Variants in CPNE4 observed in about 807,000 individuals in gnomAD.
The protein encoded by CPNE4 is copine 4, also known as copine-4.
Under a neutral mutation model 67.9 loss-of-function variants are expected in CPNE4, and 25 were observed. The ratio of observed to expected loss-of-function variants is 0.37; its 90% CI spans 0.27 to 0.51. The LOEUF (loss-of-function observed/expected upper bound fraction) is 0.51. CPNE4 is among the 20% of genes least tolerant of loss of function. The pLI is 0.93. For synonymous variants in CPNE4, 242 were observed against 244.9 expected (o/e 0.99, Z 0.11); for missense variants, 464 against 690.8 (o/e 0.67, Z 3.68).
At chr3:131,965,724 G>T (rs1463180493) in intron 1 of CPNE4, among the ~76,000 whole-genome samples, 1 of 152,138 alleles carries the variant, frequency 6.6e-6, no homozygotes, top group Non-Finnish European at 1.5e-5. Context: ...GATTCATAAA[G>T]CAAGTTCTTA....
In CPNE4 at chr3:131,703,655, C is replaced by T. The variant is rs149284036; in HGVS notation, c.361-3675G>A. Among the ~76,000 whole-genome samples the T allele has an allele frequency of 7.8e-4, 119 of 152,214 alleles. No individual in the cohort carries two copies. In the Middle Eastern group the frequency reaches 0.01, roughly 13 times the overall value. ...AGCTGAACTTTATTCCGAAGTCTTT[C>T]GAAACAGTCATTTTTGGAACTAGAG... On this transcript the variant is annotated intron_variant, in intron 3 of 15. Coordinates refer to ENST00000429747, the MANE Select transcript of CPNE4 (RefSeq NM_130808.3).
chr3:131,755,529 G>T (rs1456967550), intron 2 of CPNE4, among the ~76,000 whole-genome samples: 2 of 152,108 alleles, frequency 1.3e-5, no homozygotes, highest in Non-Finnish European at 2.9e-5. Flanking sequence ...ATTATAACCT[G>T]CAGGGATGAA....
chr3:131,610,869 G>A (rs934053220), intron 7 of CPNE4, among the ~76,000 whole-genome samples: 9 of 152,112 alleles, frequency 5.9e-5, no homozygotes, highest in Non-Finnish European at 1.3e-4. Context: ...CCAAGTGTAC[G>A]GGGAGTGGAT....
intron 2 of CPNE4, among the ~76,000 whole-genome samples, chr3:131,848,947 T>A (rs2086112854): frequency 1.2e-5 from 1 of 85,998 alleles, no homozygotes; most frequent in African/African-American, 6.3e-5. Context: ...GGAATGACAG[T>A]AGTGATTACA....
chr3:131,830,513 C>T (rs887722447), intron 2 of CPNE4, among the ~76,000 whole-genome samples: 2 of 152,042 alleles, frequency 1.3e-5, no homozygotes, highest in Non-Finnish European at 2.9e-5. Flanking sequence ...GAACTTCTCC[C>T]TTGGGACTGT....
At chr3:131,667,077 G>A (rs1210632576) in intron 7 of CPNE4, among the ~76,000 whole-genome samples, 4 of 152,120 alleles carry the variant, frequency 2.6e-5, no homozygotes, top group Non-Finnish European at 4.4e-5. Flanking sequence ...AGTATTTTCT[G>A]ATGAGATGAC....
chr3:131,626,244 A>G (rs1357332773), intron 7 of CPNE4, among the ~76,000 whole-genome samples: 2 of 152,242 alleles, frequency 1.3e-5, no homozygotes, highest in East Asian at 1.9e-4. Flanking sequence ...ATCAAAAGCT[A>G]TTAAGCTTGG....
chr3:131,875,263 T>C (rs1250586373), intron 2 of CPNE4, among the ~76,000 whole-genome samples: 1 of 152,072 alleles, frequency 6.6e-6, no homozygotes, highest in Non-Finnish European at 1.5e-5. Context: ...TGGAAGTCAG[T>C]GTGGCGATTC....
At chr3:131,561,517 T>G (rs1165378458) in intron 11 of CPNE4, among the ~76,000 whole-genome samples, 2 of 152,146 alleles carry the variant, frequency 1.3e-5, no homozygotes, top group South Asian at 4.1e-4. Flanking sequence ...GAAGCTTTCC[T>G]TCAAGGCCAT....
At chr3:131,622,018 C>CAAAAAAAAAAAA (rs34415771) in intron 7 of CPNE4, among the ~76,000 whole-genome samples, 10 of 57,992 alleles carry the variant, frequency 1.7e-4, no homozygotes, top group African/African-American at 4.3e-4. Context: ...GACCCTGTCT[C>CAAAAAAAAAAAA]AAAAAAAAAA....
At chr3:131,569,504 A>G (rs1937221065) in intron 10 of CPNE4, among the ~76,000 whole-genome samples, 1 of 151,696 alleles carries the variant, frequency 6.6e-6, no homozygotes, top group Admixed American at 6.6e-5. Context: ...CCAGTGTGGT[A>G]GCATATGGTT....
rs1375461599 is a variant in CPNE4 at position 132,031,798 on chromosome 3, T to C, written c.-2+2769A>G. On this transcript the variant is annotated intron_variant, in intron 1 of 15. Transcript: ENST00000429747. ...ACATATGAGAATAAAGATTCCACCA[T>C]TAACCCATTTTTTTTGGTCTGTGAT... 2.0e-5 allele frequency among the ~76,000 whole-genome samples: 3 copies of C among 152,194 alleles called. No homozygotes were observed. The East Asian group carries it at 5.8e-4, about 29-fold the overall frequency.
intron 2 of CPNE4, among the ~76,000 whole-genome samples, chr3:131,818,048 A>G (rs543765787): frequency 6.6e-6 from 1 of 152,176 alleles, no homozygotes; most frequent in African/African-American, 2.4e-5. Flanking sequence ...CCACAGCTCA[A>G]TTTTCAAAGG....
intron 2 of CPNE4, among the ~76,000 whole-genome samples, chr3:131,789,220 T>G (rs750185493): frequency 6.6e-6 from 1 of 152,178 alleles, no homozygotes; most frequent in Non-Finnish European, 1.5e-5. Context: ...CACATTGCTC[T>G]AGAGTATAGT....
At chr3:131,855,690 C>T (rs1414566140) in intron 2 of CPNE4, among the ~76,000 whole-genome samples, 2 of 151,534 alleles carry the variant, frequency 1.3e-5, no homozygotes, top group African/African-American at 2.4e-5. Flanking sequence ...TTCTCCTAAC[C>T]GTGCCTTGTG....
intron 7 of CPNE4, among the ~76,000 whole-genome samples, chr3:131,659,311 CTT>C (rs34832123): frequency 0.33 from 50,026 of 151,816 alleles, 8,590 homozygotes; most frequent in African/African-American, 0.4. Context: ...CATTAAGCAA[CTT>C]TATCCACGTC....
At chr3:131,738,854 C>T (rs1212040505) in intron 2 of CPNE4, among the ~76,000 whole-genome samples, 2 of 140,142 alleles carry the variant, frequency 1.4e-5, no homozygotes, top group African/African-American at 2.6e-5. Context: ...TTTTCTTTTT[C>T]TTTTTTTTTT....
chr3:131,600,466 G>C (rs897945662), intron 7 of CPNE4, among the ~76,000 whole-genome samples: 18 of 152,176 alleles, frequency 1.2e-4, no homozygotes, highest in Admixed American at 1.2e-3. Context: ...AGTCTGCTTT[G>C]CTTGATGGAG....
At chr3:131,952,805 G>T (rs547575442) in intron 1 of CPNE4, among the ~76,000 whole-genome samples, 20 of 152,318 alleles carry the variant, frequency 1.3e-4, no homozygotes, top group Non-Finnish European at 2.6e-4. Context: ...AGAAAGGGGG[G>T]AAAGGTGGGG....
Sources: gnomAD v4.1 joint callset for allele counts (sites outside exome capture counted in the v4.1 genomes callset) on GRCh38, gnomAD v4.1.1 for gene constraint, MANE v1.5 for transcripts, NCBI Gene and HGNC (gene_info 2026-07-23, HGNC 2026-07-21) for gene names.